KIAA1671: variants seen among roughly 807,000 people sequenced by gnomAD.
The protein encoded by KIAA1671 is uncharacterized protein KIAA1671.
KIAA1671 carries 52 observed loss-of-function variants against 131.2 expected under a neutral mutation model. The ratio of observed to expected loss-of-function variants is 0.40; its 90% CI spans 0.32 to 0.50. The LOEUF (loss-of-function observed/expected upper bound fraction) is 0.50. KIAA1671 is among the 20% of genes least tolerant of loss of function. KIAA1671 has a pLI of 0.73. For synonymous variants in KIAA1671, 1,003 were observed against 961.6 expected (o/e 1.04, Z -0.80); for missense variants, 2,360 against 2,364.2 (o/e 1.00, Z 0.04).
intron 6 of KIAA1671, among the ~76,000 whole-genome samples, chr22:25,105,827 G>GT (rs1262223409): frequency 3.9e-5 from 6 of 151,960 alleles, no homozygotes; most frequent in Admixed American, 2.6e-4. Flanking sequence ...GTTGGGGGGG[G>GT]GGGGTGCCAA....
chr22:24,974,453 T>C (rs915664606), intron 1 of KIAA1671, among the ~76,000 whole-genome samples: 1 of 152,078 alleles, frequency 6.6e-6, no homozygotes, highest in African/African-American at 2.4e-5. Flanking sequence ...CTTAAGTCAT[T>C]AGCCCATGGT....
At position 25,169,703 on chromosome 22, in the gene KIAA1671, G is replaced by A. The variant is rs772641752; in HGVS notation, c.4531-1117G>A. 1.5e-3 allele frequency among the ~76,000 whole-genome samples: 226 copies of A among 152,280 alleles called. 11 individuals are homozygous for A. Among genetic ancestry groups the A allele is most frequent in the Admixed American group, 1.5e-3 (23 of 15,308 alleles). On this transcript the variant is annotated intron_variant, in intron 6 of 12. Coordinates refer to ENST00000358431, the MANE Select transcript of KIAA1671 (RefSeq NM_001145206.2). ...AATGGGGATTTATGGCCTTTCCACC[G>A]TGTGCCAGGCTTGGCCCTGTGGTCA...
chr22:25,183,670 C>G (rs1261902395), intron 10 of KIAA1671, among the ~76,000 whole-genome samples: 1 of 151,784 alleles, frequency 6.6e-6, no homozygotes, highest in Admixed American at 6.6e-5. Context: ...CTACAGGCGC[C>G]GGCCACCATG....
intron 6 of KIAA1671, among the ~76,000 whole-genome samples, chr22:25,123,482 G>T (rs966099261): frequency 6.6e-6 from 1 of 152,108 alleles, no homozygotes; most frequent in Admixed American, 6.6e-5. Context: ...GTGAGCTACC[G>T]TGCCCGGCTG....
intron 1 of KIAA1671, among the ~76,000 whole-genome samples, chr22:24,998,592 C>T (rs976561688): frequency 6.6e-6 from 1 of 151,164 alleles, no homozygotes; most frequent in Non-Finnish European, 1.5e-5. Context: ...AGTGGCGGGG[C>T]CTGTAGTCCC....
intron 6 of KIAA1671, among the ~76,000 whole-genome samples, chr22:25,099,545 GTTTTTTTTTTT>G (rs58721361): frequency 2.8e-5 from 1 of 35,356 alleles, no homozygotes; most frequent in Non-Finnish European, 5.0e-5. Context: ...GGGTTTTTTT[GTTTTTTTTTTT>G]TTTTTTTTTT....
intron 1 of KIAA1671, among the ~76,000 whole-genome samples, chr22:24,990,304 T>G (rs748664687): frequency 3.7e-4 from 56 of 152,286 alleles, no homozygotes; most frequent in Middle Eastern, 6.8e-3. Context: ...TTGGCCATGC[T>G]GGTCTCGAAC....
chr22:25,077,167 G>A (rs726133), intron 6 of KIAA1671, among the ~76,000 whole-genome samples: 72,958 of 152,076 alleles, frequency 0.48, 18,108 homozygotes, highest in African/African-American at 0.6. Context: ...GGCACTAGGC[G>A]AGGCGGGGCT....
intron 6 of KIAA1671, among the ~76,000 whole-genome samples, chr22:25,158,564 C>T (rs1933322520): frequency 6.6e-6 from 1 of 152,088 alleles, no homozygotes; most frequent in East Asian, 1.9e-4. Flanking sequence ...ATTTTAGGGA[C>T]ACATTCCAAA....
rs548934646 is a variant in KIAA1671, at chr22:25,093,405, C to T, written c.4530+44041C>T. Among the ~76,000 whole-genome samples the T allele has an allele frequency of 2.0e-4, 31 of 152,260 alleles. No individual in the cohort carries two copies. The East Asian group carries it at 5.0e-3, about 25-fold the overall frequency. ...ATGGCAACCCCTATAGAGTGCCTAGCACTGTGCTCAGGCACAATAGGTGCC... is the reference window on the plus strand; with the variant it reads ...ATGGCAACCCCTATAGAGTGCCTAGTACTGTGCTCAGGCACAATAGGTGCC... On this transcript the variant is annotated intron_variant, in intron 6 of 12. Coordinates refer to ENST00000358431, the MANE Select transcript of KIAA1671 (RefSeq NM_001145206.2).
intron 5 of KIAA1671, among the ~76,000 whole-genome samples, chr22:25,042,341 A>T (rs1420735290): frequency 3.3e-5 from 5 of 152,238 alleles, no homozygotes; most frequent in African/African-American, 1.2e-4. Context: ...TGTCCCCAGA[A>T]TCCAGCATCA....
At chr22:25,145,790 A>G (rs1932867882) in intron 6 of KIAA1671, among the ~76,000 whole-genome samples, 2 of 152,092 alleles carry the variant, frequency 1.3e-5, no homozygotes, top group Non-Finnish European at 2.9e-5. Flanking sequence ...AAAATTAAAA[A>G]CTAGCTGCAT....
Position 25,148,207 on chromosome 22 carries a change from C to T in KIAA1671, c.4531-22613C>T, listed in dbSNP as rs113067247. ...CAGCCCTTTCTCAGTCCCAGCACCC[C>T]CCTCAGTCCCAGCCCTTTCTCAGTC... On this transcript the variant is annotated intron_variant, in intron 6 of 12. Transcript: ENST00000358431. 1.2e-3 allele frequency among the ~76,000 whole-genome samples: 183 copies of T among 151,666 alleles called. 1 individual carries two copies. Among genetic ancestry groups the T allele is most frequent in the African/African-American group, 4.3e-3 (178 of 41,314 alleles).
chr22:25,117,583 A>AGCC (rs1931729013), intron 6 of KIAA1671, among the ~76,000 whole-genome samples: 5 of 117,060 alleles, frequency 4.3e-5, no homozygotes, highest in Admixed American at 9.6e-5. Flanking sequence ...CATCTCCCCC[A>AGCC]ACCACACACA....
intron 8 of KIAA1671, 62 bp from the exon 9 acceptor site, chr22:25,177,286 G>T: frequency 6.9e-7 from 1 of 1,458,718 alleles, no homozygotes. Flanking sequence ...CAACTGTGTT[G>T]TGGTACCCTC....
intron 1 of KIAA1671, among the ~76,000 whole-genome samples, chr22:24,981,306 G>A (rs1923224105): frequency 1.3e-5 from 2 of 152,140 alleles, no homozygotes; most frequent in African/African-American, 4.8e-5. Flanking sequence ...GTACCCTGGT[G>A]CCCCCAAGGA....
At chr22:25,115,803 G>T (rs62233190) in intron 6 of KIAA1671, among the ~76,000 whole-genome samples, 6 of 152,020 alleles carry the variant, frequency 3.9e-5, no homozygotes, top group Non-Finnish European at 4.4e-5. Context: ...TAGAGACAGA[G>T]CCTCACTTTG....
At chr22:25,035,036 C>CTTTTT (rs143999685) in intron 4 of KIAA1671, among the ~76,000 whole-genome samples, 1 of 117,560 alleles carries the variant, frequency 8.5e-6, no homozygotes, top group Admixed American at 9.2e-5. Flanking sequence ...TGCGCCTGGC[C>CTTTTT]TTTTTTTTTT....
rs537894894 is a variant in KIAA1671 at position 25,087,609 on chromosome 22, A to T, written c.4530+38245A>T. On this transcript the variant is annotated intron_variant, in intron 6 of 12. Coordinates refer to ENST00000358431, the MANE Select transcript of KIAA1671 (RefSeq NM_001145206.2). Reference sequence around the variant, plus strand: ...TCAAAAACCAACCAACCAACCAAACAACAACAACAAAAACAACTGCGTCAC... The same window carrying T: ...TCAAAAACCAACCAACCAACCAAACTACAACAACAAAAACAACTGCGTCAC... Among the ~76,000 whole-genome samples, 6 of 152,216 alleles carry T rather than the reference A, an allele frequency of 3.9e-5. No homozygotes were observed. In the East Asian group the frequency reaches 1.2e-3, roughly 29 times the overall value.
Sources: gnomAD v4.1 joint callset for allele counts (sites outside exome capture counted in the v4.1 genomes callset) on GRCh38, gnomAD v4.1.1 for gene constraint, MANE v1.5 for transcripts, NCBI Gene and HGNC (gene_info 2026-07-23, HGNC 2026-07-21) for gene names.